The following CENPP variants were observed in gnomAD, a reference collection of about 807,000 sequenced individuals.
CENPP encodes centromere protein P.
CENPP carries 24 observed loss-of-function variants against 35.6 expected under a neutral mutation model. The ratio of observed to expected loss-of-function variants is 0.67; its 90% CI spans 0.49 to 0.95. The LOEUF (loss-of-function observed/expected upper bound fraction) is 0.95, where lower values mean the gene tolerates loss of function less well. Among genes scored for constraint, CENPP ranks in the 40% least tolerant of loss-of-function variants. CENPP has a pLI of 0.00. For synonymous variants in CENPP, 120 were observed against 125.5 expected, an observed-to-expected ratio of 0.96 and a Z score of 0.29; for missense variants, 332 against 345.3, an observed-to-expected ratio of 0.96 and a Z score of 0.31.
rs1850011543 is a variant in CENPP at position 92,567,383 on chromosome 9, T to TATAGATATATATATATAG, written c.565-43928_565-43927insGATATATATATATAGATA. Among the ~76,000 whole-genome samples the TATAGATATATATATATAG allele has an allele frequency of 1.4e-4, 13 of 94,622 alleles. No homozygotes were observed. The South Asian group carries it at 3.6e-3, about 26-fold the overall frequency. 62.1% of individuals were successfully genotyped at this position (94,622 alleles called of 152,430 possible). ...CAGTTACATAAGATAGATATATATA[T>TATAGATATATATATATAG]ATATATATATATAGATATATATATA... On this transcript the variant is annotated intron_variant, in intron 5 of 7. Coordinates refer to ENST00000375587, the MANE Select transcript of CENPP (RefSeq NM_001012267.3).
chr9:92,403,367 A>T, intron 5 of CENPP: 1 of 1,613,268 alleles, frequency 6.2e-7, no homozygotes, highest in Non-Finnish European at 8.5e-7. Flanking sequence ...TATCAGAGGC[A>T]CAAGCAGTAA....
At chr9:92,370,468 CTTTTTATTGTT>C (rs542180206) in intron 4 of CENPP, among the ~76,000 whole-genome samples, 211 of 151,998 alleles carry the variant, frequency 1.4e-3, no homozygotes, top group African/African-American at 4.8e-3. Flanking sequence ...CTATGTTAGA[CTTTTTATTGTT>C]TTTTTGTTGT....
chr9:92,487,967 A>G (rs1479606921), intron 5 of CENPP, among the ~76,000 whole-genome samples: 2 of 152,258 alleles, frequency 1.3e-5, no homozygotes, highest in African/African-American at 4.8e-5. Flanking sequence ...TGAGCTAGTC[A>G]GCACTTTATT....
intron 5 of CENPP, among the ~76,000 whole-genome samples, chr9:92,535,280 C>T (rs1392388685): frequency 6.6e-6 from 1 of 152,140 alleles, no homozygotes; most frequent in African/African-American, 2.4e-5. Context: ...CTTAGGCCCT[C>T]ATTATTTTCA....
chr9:92,371,390 T>C (rs558217819), intron 4 of CENPP, among the ~76,000 whole-genome samples: 1 of 152,298 alleles, frequency 6.6e-6, no homozygotes, highest in Middle Eastern at 3.4e-3. Flanking sequence ...CAGGAACATG[T>C]TGTTTAATTT....
chr9:92,532,012 A>ATTT (rs1491374173), intron 5 of CENPP, among the ~76,000 whole-genome samples: 1 of 78,540 alleles, frequency 1.3e-5, no homozygotes, highest in African/African-American at 8.8e-5. Flanking sequence ...TTTTTTATTT[A>ATTT]ATGTTTTTTT....
intron 5 of CENPP, among the ~76,000 whole-genome samples, chr9:92,453,238 G>C (rs1410963542): frequency 1.3e-5 from 2 of 152,092 alleles, no homozygotes; most frequent in East Asian, 3.9e-4. Flanking sequence ...TGGGCATTTA[G>C]TGCTATAAAT....
chr9:92,507,530 G>A (rs1847078519), intron 5 of CENPP, among the ~76,000 whole-genome samples: 1 of 152,206 alleles, frequency 6.6e-6, no homozygotes, highest in African/African-American at 2.4e-5. Context: ...AACGTTTCTT[G>A]TAGGTGAGAC....
rs749697394 is a variant in CENPP, at chr9:92,390,587, T to TGTGTGTGCGCGCGC, written c.564+10729_564+10730insTGTGTGCGCGCGCG. Among the ~76,000 whole-genome samples, 264 of 141,910 alleles carry TGTGTGTGCGCGCGC rather than the reference T, an allele frequency of 1.9e-3. 1 individual carries two copies. The highest frequency in any genetic ancestry group is 3.4e-3 in the Non-Finnish European group (214 of 63,242). 93.1% of individuals were successfully genotyped at this position (141,910 alleles called of 152,430 possible). A position where few individuals can be genotyped will look rare whatever the true frequency, so the allele number is the denominator to read the frequency against. ...CAGTGTGTGTGTGTGTGTGTGTGTG[T>TGTGTGTGCGCGCGC]GCGCGCGCGCGTACTTGCGTGTGCA... is the stretch of plus-strand genomic sequence containing the variant. On this transcript the variant is annotated intron_variant, in intron 5 of 7. Coordinates refer to ENST00000375587, the MANE Select transcript of CENPP (RefSeq NM_001012267.3).
chr9:92,600,490 G>A (rs370232919), intron 5 of CENPP: 2 of 1,612,910 alleles, frequency 1.2e-6, no homozygotes, highest in Non-Finnish European at 8.5e-7. Context: ...GGTCTGTTCT[G>A]CAAAGGTCTG....
intron 5 of CENPP, among the ~76,000 whole-genome samples, chr9:92,539,369 C>T (rs2131306218): frequency 7.1e-6 from 1 of 141,434 alleles, no homozygotes; most frequent in South Asian, 2.6e-4. Flanking sequence ...CCCCAACCCA[C>T]TGCCTGTGGA....
chr9:92,332,684 T>C (rs922772355), intron 2 of CENPP, among the ~76,000 whole-genome samples: 7 of 152,284 alleles, frequency 4.6e-5, no homozygotes, highest in African/African-American at 1.7e-4. Flanking sequence ...GGTGGGCACC[T>C]GTAATCTAAG....
intron 5 of CENPP, chr9:92,417,696 A>C: frequency 1.6e-6 from 1 of 623,098 alleles, no homozygotes; most frequent in Non-Finnish European, 2.5e-6. Context: ...GAATATCCAG[A>C]AAGAATGGGC....
intron 3 of CENPP, among the ~76,000 whole-genome samples, chr9:92,339,356 A>T (rs1383783888): frequency 6.6e-6 from 1 of 151,936 alleles, no homozygotes; most frequent in Non-Finnish European, 1.5e-5. Context: ...TCAGATAGCC[A>T]CTCCCTAACT....
intron 5 of CENPP, among the ~76,000 whole-genome samples, chr9:92,393,819 A>G (rs777898257): frequency 8.1e-4 from 122 of 151,374 alleles, no homozygotes; most frequent in Non-Finnish European, 1.3e-3. Context: ...TTTTCAGGGC[A>G]TTTATTCTGC....
chr9:92,333,070 C>T (rs1840805928), intron 2 of CENPP, among the ~76,000 whole-genome samples: 1 of 152,112 alleles, frequency 6.6e-6, no homozygotes, highest in Admixed American at 6.6e-5. Flanking sequence ...GCAGCTGGAC[C>T]TTTTGCTGGA....
intron 3 of CENPP, chr9:92,340,289 G>C (rs1025837615): frequency 2.0e-5 from 3 of 152,186 alleles, no homozygotes; most frequent in Admixed American, 6.5e-5. Flanking sequence ...CTTCTTAGTG[G>C]AGTTATACCT....
intron 5 of CENPP, chr9:92,482,349 T>C (rs1394995886): frequency 6.6e-6 from 1 of 152,172 alleles, no homozygotes; most frequent in African/African-American, 2.4e-5. Flanking sequence ...GTACTACTTA[T>C]CTATAATGTA....
At chr9:92,415,726 CA>C (rs1482119803) in intron 5 of CENPP, among the ~76,000 whole-genome samples, 16 of 147,186 alleles carry the variant, frequency 1.1e-4, no homozygotes, top group East Asian at 2.0e-4. Flanking sequence ...AGAACAATCT[CA>C]AAAAAAAATT....
Sources: gnomAD v4.1 joint callset for allele counts (sites outside exome capture counted in the v4.1 genomes callset) on GRCh38, gnomAD v4.1.1 for gene constraint, MANE v1.5 for transcripts, NCBI Gene and HGNC (gene_info 2026-07-23, HGNC 2026-07-21) for gene names.